TSPEAR: variants seen among roughly 807,000 people sequenced by gnomAD.
TSPEAR encodes the protein thrombospondin-type laminin G domain and EAR repeat-containing protein.
A neutral mutation model predicts 71.6 loss-of-function variants in TSPEAR; 69 were observed. The ratio of observed to expected loss-of-function variants is 0.96; its 90% CI spans 0.79 to 1.18. The LOEUF (loss-of-function observed/expected upper bound fraction) is 1.18, where lower values mean the gene tolerates loss of function less well. Among genes scored for constraint, TSPEAR ranks in the 50% most tolerant of loss-of-function variants. The probability of loss-of-function intolerance (pLI) is 0.00; values close to 1 mark genes in which losing one functional copy is unlikely to be tolerated. For missense variants in TSPEAR, 971 were observed against 894.9 expected, an observed-to-expected ratio of 1.09 and a Z score of -1.09; for synonymous variants, 402 against 387.2, an observed-to-expected ratio of 1.04 and a Z score of -0.45.
chr21:44,638,062 C>T, intron 1 of TSPEAR: 3 of 1,613,354 alleles, frequency 1.9e-6, no homozygotes, highest in Non-Finnish European at 2.5e-6. Context: ...CTGCCTCCTC[C>T]TGCCAGCCCA....
At chr21:44,603,271 G>A (rs1025526419) in intron 1 of TSPEAR, among the ~76,000 whole-genome samples, 2 of 152,206 alleles carry the variant, frequency 1.3e-5, no homozygotes, top group African/African-American at 2.4e-5. Context: ...CGGCCCCTGT[G>A]CAGAAGAAAT....
chr21:44,544,030 G>C (rs782771933), intron 2 of TSPEAR, among the ~76,000 whole-genome samples: 1 of 152,158 alleles, frequency 6.6e-6, no homozygotes, highest in Non-Finnish European at 1.5e-5. Flanking sequence ...AAACTCAAAC[G>C]TATCAGCAAA....
At chr21:44,698,373 C>T in intron 1 of TSPEAR, among the ~76,000 whole-genome samples, 1 of 152,324 alleles carries the variant, frequency 6.6e-6, no homozygotes, top group African/African-American at 2.4e-5. Context: ...GGCCCTCGCG[C>T]CCAGTCTCAG....
chr21:44,537,203 G>A (rs1389512440), intron 2 of TSPEAR, among the ~76,000 whole-genome samples: 2 of 151,320 alleles, frequency 1.3e-5, no homozygotes, highest in Admixed American at 6.6e-5. Flanking sequence ...TAGAACCAAC[G>A]TTTTTAGAAA....
intron 1 of TSPEAR, among the ~76,000 whole-genome samples, chr21:44,590,145 C>G (rs74524297): frequency 0.029 from 4,399 of 152,310 alleles, 215 homozygotes; most frequent in African/African-American, 0.1. Flanking sequence ...GGAGGTCCTC[C>G]TGCTGGTGCT....
intron 1 of TSPEAR, among the ~76,000 whole-genome samples, chr21:44,669,727 A>AGGAGGT (rs1555945525): frequency 1.3e-5 from 2 of 152,188 alleles, no homozygotes; most frequent in East Asian, 3.8e-4. Context: ...GATCACCCGC[A>AGGAGGT]GGAGGTGGCG....
chr21:44,647,005 T>C lies in TSPEAR; in HGVS notation c.82+64428A>G, dbSNP rs587745520. 117 of 1,603,348 alleles carry C rather than the reference T, an allele frequency of 7.3e-5. No homozygotes were observed. The East Asian group carries it at 1.8e-3, about 24-fold the overall frequency. Reference sequence around the variant, plus strand: ...CCAGCCAGCTTGCTGCACCTCCTCCTCCTACCAGCAGGCCTGCTGCGTGCC... The same window carrying C: ...CCAGCCAGCTTGCTGCACCTCCTCCCCCTACCAGCAGGCCTGCTGCGTGCC... On this transcript the variant is annotated intron_variant, in intron 1 of 11. Transcript: ENST00000323084.
intron 1 of TSPEAR, chr21:44,592,430 C>G: frequency 6.2e-7 from 1 of 1,607,676 alleles, no homozygotes; most frequent in Non-Finnish European, 8.5e-7. Flanking sequence ...GGAAGGCAGA[C>G]GCGGCTGCCG....
At chr21:44,693,599 A>G (rs1555950042) in intron 1 of TSPEAR, among the ~76,000 whole-genome samples, 1 of 152,168 alleles carries the variant, frequency 6.6e-6, no homozygotes, top group East Asian at 1.9e-4. Flanking sequence ...GGAAAATGGA[A>G]ATCAAAACCA....
chr21:44,525,275 C>T (rs1019391681), intron 8 of TSPEAR, among the ~76,000 whole-genome samples: 9 of 152,138 alleles, frequency 5.9e-5, no homozygotes, highest in Non-Finnish European at 1.2e-4. Context: ...GTCAAGAAGT[C>T]AGGTAATTTA....
intron 1 of TSPEAR, chr21:44,647,304 C>T (rs1984496088): frequency 6.2e-7 from 1 of 1,613,850 alleles, no homozygotes; most frequent in Non-Finnish European, 8.5e-7. Flanking sequence ...GCCCCGCAAG[C>T]TCCCGCCTGG....
At chr21:44,635,512 T>C (rs1245864050) in intron 1 of TSPEAR, among the ~76,000 whole-genome samples, 1 of 152,096 alleles carries the variant, frequency 6.6e-6, no homozygotes, top group Non-Finnish European at 1.5e-5. Context: ...TTCTGAAACA[T>C]ACCCAAACAC....
intron 1 of TSPEAR, among the ~76,000 whole-genome samples, chr21:44,624,212 T>C (rs1269573653): frequency 6.6e-6 from 1 of 152,256 alleles, no homozygotes; most frequent in Non-Finnish European, 1.5e-5. Context: ...TAGTTCTTAA[T>C]TTCAGCTATT....
At chr21:44,541,816 T>C (rs1361054075) in intron 2 of TSPEAR, among the ~76,000 whole-genome samples, 1 of 152,238 alleles carries the variant, frequency 6.6e-6, no homozygotes, top group Admixed American at 6.5e-5. Flanking sequence ...ACTGAACTCA[T>C]ATGATCTGCC....
At chr21:44,656,829 CAT>C (rs1985177615) in intron 1 of TSPEAR, among the ~76,000 whole-genome samples, 1 of 152,138 alleles carries the variant, frequency 6.6e-6, no homozygotes, top group Admixed American at 6.5e-5. Context: ...AGTACTGTCT[CAT>C]ATGTCTTTTC....
At chr21:44,697,048 GCCCATCCAGCACCCAGACGCTCACTC>G in intron 1 of TSPEAR, 2 of 866,614 alleles carry the variant, frequency 2.3e-6, no homozygotes, top group Non-Finnish European at 3.1e-6. Context: ...CCTCCCTCCT[GCCCATCCAGCACCCAGACGCTCACTC>G]ACTCCCTCCC....
intron 1 of TSPEAR, among the ~76,000 whole-genome samples, chr21:44,667,612 G>A (rs1244940841): frequency 6.6e-6 from 1 of 152,212 alleles, no homozygotes; most frequent in Non-Finnish European, 1.5e-5. Flanking sequence ...TGTGAGGCCA[G>A]TGAAGGGTCC....
chr21:44,683,170 T>G (rs1183587353), intron 1 of TSPEAR, among the ~76,000 whole-genome samples: 1 of 151,754 alleles, frequency 6.6e-6, no homozygotes, highest in Non-Finnish European at 1.5e-5. Flanking sequence ...GGGAAGACAG[T>G]TTGGAATGTG....
chr21:44,570,928 C>T (rs1452827932), intron 1 of TSPEAR, among the ~76,000 whole-genome samples: 3 of 152,022 alleles, frequency 2.0e-5, no homozygotes, highest in Non-Finnish European at 4.4e-5. Flanking sequence ...GGCGCAAATA[C>T]CAGAACTTAT....
Sources: allele counts gnomAD v4.1 joint callset (sites outside exome capture counted in the v4.1 genomes callset), GRCh38; gene constraint gnomAD v4.1.1; transcripts MANE v1.5; gene names NCBI Gene and HGNC (gene_info 2026-07-23, HGNC 2026-07-21).